The following ILKAP variants were observed in gnomAD, a reference collection of about 807,000 sequenced individuals.
The protein encoded by ILKAP is integrin-linked kinase-associated serine/threonine phosphatase 2C.
In ILKAP, 11 loss-of-function variants were observed where a neutral mutation model predicts 49.1. The ratio of observed to expected loss-of-function variants is 0.22; its 90% confidence interval spans 0.14 to 0.37. The LOEUF is 0.37. ILKAP is among the 10% of genes least tolerant of loss of function. ILKAP has a pLI of 1.00. For missense variants in ILKAP, 363 were observed against 510.8 expected, an observed-to-expected ratio of 0.71 and a Z score of 2.79; for synonymous variants, 186 against 192.8, an observed-to-expected ratio of 0.96 and a Z score of 0.29.
chr2:238,198,381 G>A (rs1166509184), intron 1 of ILKAP, among the ~76,000 whole-genome samples: 2 of 152,024 alleles, frequency 1.3e-5, no homozygotes, highest in African/African-American at 4.8e-5. Context: ...TGAAACTACA[G>A]GCATACACCA....
Position 238,197,223 on chromosome 2 carries a change from A to G in ILKAP, c.56-2353T>C, listed in dbSNP as rs540161910. 3.3e-4 allele frequency among the ~76,000 whole-genome samples: 51 copies of G among 152,284 alleles called. No individual in the cohort carries two copies. In the South Asian group the frequency reaches 8.3e-3, roughly 25 times the overall value. ...GCACCCAAAAAAAGTATTTAGGATA[A>G]CCATTACTCAATGTATTAATCCACT... On this transcript the variant is annotated intron_variant, in intron 1 of 11. Transcript: ENST00000254654.
At chr2:238,177,274 A>AT (rs11407546) in intron 9 of ILKAP, among the ~76,000 whole-genome samples, 16,444 of 152,246 alleles carry the variant, frequency 0.11, 1,793 homozygotes, top group African/African-American at 0.28. Flanking sequence ...CTCAATTTAG[A>AT]TTTTGAAGCA....
At chr2:238,180,932 G>C (rs1476739501) in intron 9 of ILKAP, among the ~76,000 whole-genome samples, 4 of 152,250 alleles carry the variant, frequency 2.6e-5, no homozygotes, top group Non-Finnish European at 5.9e-5. Flanking sequence ...TCTCAGGCAT[G>C]ACTGTCCACA....
intron 8 of ILKAP, 64 bp downstream of exon 8, chr2:238,183,589 G>GTGC (rs1693783383): frequency 2.7e-6 from 3 of 1,123,568 alleles, no homozygotes; most frequent in African/African-American, 3.1e-5. Flanking sequence ...CAACAAGTAC[G>GTGC]TGCTAAAGTC....
intron 9 of ILKAP, among the ~76,000 whole-genome samples, chr2:238,178,455 C>G (rs1362002888): frequency 3.3e-5 from 5 of 152,204 alleles, no homozygotes; most frequent in Non-Finnish European, 7.3e-5. Context: ...TCCCGATGCA[C>G]TGGAATTACA....
At chr2:238,198,129 T>G (rs1694420151) in intron 1 of ILKAP, among the ~76,000 whole-genome samples, 1 of 152,110 alleles carries the variant, frequency 6.6e-6, no homozygotes, top group African/African-American at 2.4e-5. Flanking sequence ...GGAAATAATT[T>G]TTGCATCATC....
intron 7 of ILKAP, 110 bp downstream of exon 7, chr2:238,183,910 G>A (rs529010607): frequency 6.3e-6 from 6 of 949,258 alleles, no homozygotes; most frequent in South Asian, 3.0e-5. Flanking sequence ...TGAGTGCTAC[G>A]CACTTTTCAG....
chr2:238,185,337 C>T (rs898574097), intron 5 of ILKAP, 50 bp from the exon 6 acceptor site: 2 of 1,187,140 alleles, frequency 1.7e-6, no homozygotes, highest in Non-Finnish European at 1.3e-6. Context: ...AAAAACCACA[C>T]TTTTCCATTA....
At chr2:238,173,729 AAGC>A (rs1387475856) in intron 9 of ILKAP, 76 bp from the exon 10 acceptor site, 1 of 1,484,280 alleles carries the variant, frequency 6.7e-7, no homozygotes, top group African/African-American at 1.4e-5. Context: ...CTCACCTTAA[AAGC>A]AGAGAATGGA....
chr2:238,182,812 T>C (rs1479707403), intron 8 of ILKAP, among the ~76,000 whole-genome samples: 2 of 152,250 alleles, frequency 1.3e-5, no homozygotes, highest in African/African-American at 2.4e-5. Flanking sequence ...TCTAAACACA[T>C]GTGGGCTAAG....
At chr2:238,171,089 G>T in intron 10 of ILKAP, 65 bp from the exon 11 acceptor site, 1 of 1,087,738 alleles carries the variant, frequency 9.2e-7, no homozygotes, top group Non-Finnish European at 1.4e-6. Context: ...AATAAAAAAA[G>T]GGCCTGGAGA....
rs369165716 is a variant in ILKAP, at chr2:238,188,348, T to G, written c.299-91A>C. ...AGAGCAAATGAGAGGGAACTATGAC[T>G]GTCTGACTCAGCAATATCCTAATGG... On this transcript the variant is annotated intron_variant, in intron 4 of 11. Transcript: ENST00000254654. The G allele has an allele frequency of 1.6e-5, 23 of 1,462,732 alleles. No individual in the cohort carries two copies. The East Asian group carries it at 5.1e-4, about 32-fold the overall frequency. The allele number at this position is 1,462,732 out of a possible 1,614,324, so 90.6% of individuals were successfully genotyped here.
chr2:238,203,457 T>G, intron 1 of ILKAP, 42 bp downstream of exon 1: 1 of 1,186,522 alleles, frequency 8.4e-7, no homozygotes, highest in South Asian at 2.1e-5. Context: ...CCATCCCGCC[T>G]GCTCTCCCTT....
At chr2:238,185,325 G>T in intron 5 of ILKAP, 38 bp from the exon 6 acceptor site, 1 of 1,283,934 alleles carries the variant, frequency 7.8e-7, no homozygotes, top group Non-Finnish European at 1.1e-6. Context: ...AATTCTCACA[G>T]CAAAAACCAC....
rs758284655 is a variant in ILKAP at position 238,188,159 on chromosome 2, C to T, written c.397G>A (p.Glu133Lys). ...AGGGACGATGGGGGCCTACACTCCT[C>T]GGTGATGTCGTTCAGGATGACGTGG... ...DAHVILNDIT[E>K]ECRPPSSLIT... Residue 133 changes from glutamate (E) to lysine (K), a missense_variant, in exon 5 of 12, where the codon GAG (glutamate) becomes AAG (lysine). Coordinates refer to ENST00000254654, the MANE Select transcript of ILKAP (RefSeq NM_030768.3). 69 of 1,614,042 alleles carry T rather than the reference C, an allele frequency of 4.3e-5. No homozygotes were observed. The South Asian group carries it at 6.9e-4, about 16-fold the overall frequency.
intron 1 of ILKAP, among the ~76,000 whole-genome samples, chr2:238,198,411 T>G (rs965840905): frequency 3.4e-5 from 5 of 148,132 alleles, no homozygotes; most frequent in African/African-American, 1.3e-4. Context: ...GCTAATTTTT[T>G]AACTTTTTGT....
At chr2:238,192,220 A>G (rs974258989) in intron 3 of ILKAP, among the ~76,000 whole-genome samples, 1 of 151,868 alleles carries the variant, frequency 6.6e-6, no homozygotes, top group Non-Finnish European at 1.5e-5. Flanking sequence ...AAAAAAAGAA[A>G]AAGAAAAAGA....
intron 6 of ILKAP, 124 bp from the exon 7 acceptor site, chr2:238,184,237 T>A (rs1308268170): frequency 1.6e-6 from 1 of 644,798 alleles, no homozygotes. Flanking sequence ...GTCACCAGGC[T>A]GGAATGCAGT....
In ILKAP at chr2:238,183,685, T is replaced by A. The variant is rs1407445165; in HGVS notation, c.682A>T (p.Ile228Phe). The change falls in exon 8 of 12, where the codon ATT becomes TTT. Residue 228 changes from isoleucine to phenylalanine, a missense_variant. Ile to Phe is a conservative substitution (Grantham distance 21). Coordinates refer to ENST00000254654, the MANE Select transcript of ILKAP (RefSeq NM_030768.3). ...TCTCCGAGGTTGGCAATATAAAGAA[T>A]GTTGTCTACAGCCAGAACACACGTG... The part of the protein sequence containing the change: ...TATCVLAVDN[I>F]LYIANLGDSR... 6.2e-7 allele frequency: 1 copy of A among 1,613,160 alleles called. No individual in the cohort carries two copies.
Sources: allele counts gnomAD v4.1 joint callset (sites outside exome capture counted in the v4.1 genomes callset), GRCh38; gene constraint gnomAD v4.1.1; transcripts MANE v1.5; gene names NCBI Gene and HGNC (gene_info 2026-07-23, HGNC 2026-07-21).